The following C2CD2 variants were observed in gnomAD, a reference collection of about 807,000 sequenced individuals.
The protein encoded by C2CD2 is C2 calcium dependent domain containing 2.
A neutral mutation model predicts 74.3 loss-of-function variants in C2CD2; 43 were observed. The ratio of observed to expected loss-of-function variants is 0.58; its 90% confidence interval spans 0.45 to 0.75. The LOEUF is 0.75. Ranked by LOEUF, C2CD2 falls within the 30% of genes least tolerant of loss-of-function variation. The pLI, the probability that C2CD2 is intolerant of heterozygous loss-of-function variation, is 0.00. For synonymous variants in C2CD2, 422 were observed against 390.7 expected, an observed-to-expected ratio of 1.08 and a Z score of -0.94; for missense variants, 801 against 916.3, an observed-to-expected ratio of 0.87 and a Z score of 1.63.
chr21:41,934,116 C>T (rs973834363), intron 2 of C2CD2, among the ~76,000 whole-genome samples: 1 of 151,900 alleles, frequency 6.6e-6, no homozygotes, highest in Non-Finnish European at 1.5e-5. Flanking sequence ...GTAATTATAT[C>T]AAAACAAATA....
At position 41,887,737 on chromosome 21, in the gene C2CD2, A is replaced by AC. The variant is rs1331201778; in HGVS notation, c.*1386_*1387insG. On this transcript the variant is annotated 3_prime_UTR_variant, in exon 14 of 14. Coordinates refer to ENST00000380486, the MANE Select transcript of C2CD2 (RefSeq NM_015500.2). The stretch of plus-strand genomic sequence containing the variant: ...TATTTAATGTTTAAGGATTAACAAG[A>AC]GGCTACGGAAGGAAGCTTGCCCATT... 50 of 152,362 alleles carry AC rather than the reference A, an allele frequency of 3.3e-4. No individual in the cohort carries two copies. Among genetic ancestry groups the AC allele is most frequent in the African/African-American group, 1.1e-3 (46 of 41,574 alleles). 9.4% of individuals were successfully genotyped at this position (152,362 alleles called of 1,614,324 possible).
At chr21:41,920,386 C>T (rs534516388) in intron 3 of C2CD2, among the ~76,000 whole-genome samples, 1 of 152,342 alleles carries the variant, frequency 6.6e-6, no homozygotes, top group East Asian at 1.9e-4. Context: ...TCCTTCCCCA[C>T]TCCTAAACAA....
At position 41,903,771 on chromosome 21, in the gene C2CD2, G is replaced by A. The variant is rs2064927740; in HGVS notation, c.1432+1953C>T. 6.6e-6 allele frequency among the ~76,000 whole-genome samples: 1 copy of A among 152,046 alleles called. No individual in the cohort carries two copies. Among genetic ancestry groups the A allele is most frequent in the Non-Finnish European group, 1.5e-5 (1 of 68,010 alleles). ...GTGCAGCCTGCACCGTGGCAGGTGA[G>A]CCTGGGGGCCGGCTCCATGGACCAT... On this transcript the variant is annotated intron_variant, in intron 11 of 13. Transcript: ENST00000380486. The surrounding 1 kb of genome is among the most constrained non-coding windows in gnomAD (Gnocchi z 4.5).
At chr21:41,935,237 G>C (rs1488079894) in intron 2 of C2CD2, among the ~76,000 whole-genome samples, 1 of 152,166 alleles carries the variant, frequency 6.6e-6, no homozygotes, top group Non-Finnish European at 1.5e-5. Context: ...GGGAATTTTA[G>C]TAACATGGGG....
In C2CD2 at chr21:41,926,667, C is replaced by T; in HGVS notation, c.379-4582G>A. 3.1e-6 allele frequency: 3 copies of T among 982,480 alleles called. No homozygotes were observed. Among genetic ancestry groups the T allele is most frequent in the Non-Finnish European group, 3.6e-6 (3 of 827,350 alleles). 60.9% of individuals were successfully genotyped at this position (982,480 alleles called of 1,614,324 possible). ...TTACTCCAGATTTTGCTACTGTTCA[C>T]CAACAAGAGAGCCCCTGAGTCTTCA... On this transcript the variant is annotated intron_variant, in intron 2 of 13. Coordinates refer to ENST00000380486, the MANE Select transcript of C2CD2 (RefSeq NM_015500.2). The surrounding 1 kb of genome is among the most constrained non-coding windows in gnomAD (Gnocchi z 8.0).
intron 1 of C2CD2, among the ~76,000 whole-genome samples, chr21:41,949,138 G>C (rs998941457): frequency 2.0e-5 from 3 of 151,960 alleles, no homozygotes; most frequent in Non-Finnish European, 2.9e-5. Flanking sequence ...GCCTTGGGAG[G>C]AGTTCTGGGC....
chr21:41,904,309 G>T (rs748051446), intron 11 of C2CD2, among the ~76,000 whole-genome samples: 3 of 120,920 alleles, frequency 2.5e-5, no homozygotes, highest in Non-Finnish European at 5.1e-5. Flanking sequence ...GGAATGCTCA[G>T]TTCTGAGAAA....
At chr21:41,921,865 T>C (rs1290745763) in intron 3 of C2CD2, 107 bp downstream of exon 3, 3 of 677,224 alleles carry the variant, frequency 4.4e-6, no homozygotes, top group Non-Finnish European at 7.8e-6. Context: ...GAATGATAAT[T>C]AATAAAAACA....
chr21:41,931,832 C>T (rs1350679819), intron 2 of C2CD2, among the ~76,000 whole-genome samples: 9 of 147,152 alleles, frequency 6.1e-5, no homozygotes, highest in African/African-American at 1.2e-4. Context: ...ATCCCACTAC[C>T]CCACCTCCAA....
chr21:41,898,116 C>G (rs1000035183), intron 13 of C2CD2, among the ~76,000 whole-genome samples: 1 of 152,210 alleles, frequency 6.6e-6, no homozygotes, highest in African/African-American at 2.4e-5. Context: ...TTCGATTTCC[C>G]GACACAGATG....
rs4920118 is a variant in C2CD2 at position 41,899,875 on chromosome 21, C to A, written c.1561-513G>T. On this transcript the variant is annotated intron_variant, in intron 12 of 13. Transcript: ENST00000380486. This position sits in a 1 kb window ranked among gnomAD's most constrained non-coding sequence, Gnocchi z 4.4. ...TGAACCTCTGAGAGTCGGGATAGCGCTTCCTTGGAGGGGGGAAAGTTTGGG... is the reference window on the plus strand; with the variant it reads ...TGAACCTCTGAGAGTCGGGATAGCGATTCCTTGGAGGGGGGAAAGTTTGGG... Among the ~76,000 whole-genome samples the A allele has an allele frequency of 0.16, 23,975 of 149,412 alleles. 2,069 individuals carry two copies. The highest frequency in any genetic ancestry group is 0.33 in the Middle Eastern group (96 of 292).
intron 1 of C2CD2, among the ~76,000 whole-genome samples, chr21:41,942,676 A>G (rs115926668): frequency 0.012 from 1,787 of 152,240 alleles, 35 homozygotes; most frequent in African/African-American, 0.041. Context: ...CCCTGTTGCT[A>G]GGGACAGTCC....
rs373240978 is a variant in C2CD2 at position 41,932,286 on chromosome 21, G to A, written c.378+9861C>T. Among the ~76,000 whole-genome samples the A allele has an allele frequency of 1.1e-4, 16 of 149,814 alleles. 2 individuals carry two copies. The South Asian group carries it at 3.2e-3, about 30-fold the overall frequency. On this transcript the variant is annotated intron_variant, in intron 2 of 13. Coordinates refer to ENST00000380486, the MANE Select transcript of C2CD2 (RefSeq NM_015500.2). Reference sequence around the variant, plus strand: ...GCTGGAGTCCCTGCCCTCCCCCTCCGCCCGCCTAAGCATCCCTTCGATGTG... The same window carrying A: ...GCTGGAGTCCCTGCCCTCCCCCTCCACCCGCCTAAGCATCCCTTCGATGTG...
At position 41,914,704 on chromosome 21, in the gene C2CD2, T is replaced by A. The variant is rs1418717759; in HGVS notation, c.738A>T (p.Ala246=). 6.2e-7 allele frequency: 1 copy of A among 1,613,312 alleles called. No homozygotes were observed. Among genetic ancestry groups the A allele is most frequent in the Admixed American group, 1.7e-5 (1 of 59,928 alleles). The change falls in exon 6 of 14, where the codon GCA becomes GCT. Residue 246 remains alanine (A), a synonymous_variant. Transcript: ENST00000380486. ...GAGGACAGGATTCCTGAGCAGTAGATGCAGCACACTGTAAGTTCTGAAAAA... is the reference window on the plus strand; with the variant it reads ...GAGGACAGGATTCCTGAGCAGTAGAAGCAGCACACTGTAAGTTCTGAAAAA... ...VKEAQNLQCA[A]STAQESCPPK... is the part of the protein sequence containing the mutation.
In C2CD2 at chr21:41,923,319, T is replaced by C. The variant is rs905471244; in HGVS notation, c.379-1234A>G. On this transcript the variant is annotated intron_variant, in intron 2 of 13. Coordinates refer to ENST00000380486, the MANE Select transcript of C2CD2 (RefSeq NM_015500.2). This position sits in a 1 kb window ranked among gnomAD's most constrained non-coding sequence, Gnocchi z 5.8. ...ACAAAGTCTTTTTCTTTAAATATCA[T>C]CTTGTTCTATTTCTCCACAATAGCT... 3.9e-5 allele frequency among the ~76,000 whole-genome samples: 6 copies of C among 152,204 alleles called. No homozygotes were observed. The highest frequency in any genetic ancestry group is 1.2e-4 in the African/African-American group (5 of 41,446).
chr21:41,953,577 C>T lies in C2CD2; in HGVS notation c.72G>A (p.Ala24=). ...GGTACAGGCCTACCGTGGCCAGGGC[C>T]GCGACGAAGAGCGACACCAGCGCGA... The part of the protein sequence containing the change: ...QWLALVSLFV[A]ALATVGLYLA... Residue 24 remains alanine, a synonymous_variant, in exon 1 of 14, where the codon GCG becomes GCA. Coordinates refer to ENST00000380486, the MANE Select transcript of C2CD2 (RefSeq NM_015500.2). 3 of 1,498,566 alleles carry T rather than the reference C, an allele frequency of 2.0e-6. No individual in the cohort carries two copies. The highest frequency in any genetic ancestry group is 2.6e-6 in the Non-Finnish European group (3 of 1,133,104). 92.8% of individuals were successfully genotyped at this position (1,498,566 alleles called of 1,614,324 possible).
At position 41,926,462 on chromosome 21, in the gene C2CD2, G is replaced by A; in HGVS notation, c.379-4377C>T. The A allele has an allele frequency of 8.5e-6, 8 of 943,832 alleles. 1 individual carries two copies. Among genetic ancestry groups the A allele is most frequent in the Non-Finnish European group, 1.0e-5 (8 of 792,020 alleles). The allele number at this position is 943,832 out of a possible 1,614,324, so 58.5% of individuals were successfully genotyped here. On this transcript the variant is annotated intron_variant, in intron 2 of 13. Transcript: ENST00000380486. The surrounding 1 kb of genome is among the most constrained non-coding windows in gnomAD (Gnocchi z 8.0). Reference sequence around the variant, plus strand: ...GGGCAGCAGATGGAAGCACCACGGGGAGGGGAAAACAAGACTGAAGGCTGA... The same window carrying A: ...GGGCAGCAGATGGAAGCACCACGGGAAGGGGAAAACAAGACTGAAGGCTGA...
chr21:41,914,161 G>A (rs2065060564), intron 6 of C2CD2, among the ~76,000 whole-genome samples: 1 of 152,106 alleles, frequency 6.6e-6, no homozygotes, highest in African/African-American at 2.4e-5. Context: ...AGGAGGTGGA[G>A]GTTGTAGTGA....
At chr21:41,937,286 T>C (rs1347192792) in intron 2 of C2CD2, among the ~76,000 whole-genome samples, 2 of 151,558 alleles carry the variant, frequency 1.3e-5, no homozygotes, top group African/African-American at 2.4e-5. Flanking sequence ...TCGGCTAATT[T>C]TTCTGTATTT....
Sources: allele counts gnomAD v4.1 joint callset (sites outside exome capture counted in the v4.1 genomes callset), GRCh38; gene constraint gnomAD v4.1.1; non-coding constraint Gnocchi (gnomAD v3.1); transcripts MANE v1.5; gene names NCBI Gene and HGNC (gene_info 2026-07-23, HGNC 2026-07-21).